Variants in EDA observed in about 807,000 individuals in gnomAD.
The protein encoded by EDA is ectodysplasin-A.
A neutral mutation model predicts 23.6 loss-of-function variants in EDA; 2 were observed. That is an observed-to-expected ratio of 0.08 (90% CI 0.03 to 0.27). EDA has a LOEUF of 0.27. Among genes scored for constraint, EDA ranks in the 10% least tolerant of loss-of-function variants. The pLI is 1.00. For synonymous variants in EDA, 131 were observed against 132.0 expected, an observed-to-expected ratio of 0.99 and a Z score of 0.05; for missense variants, 229 against 324.2, an observed-to-expected ratio of 0.71 and a Z score of 2.26.
intron 1 of EDA, among the ~76,000 whole-genome samples, chrX:69,754,707 C>G (rs1333596601): frequency 2.7e-5 from 3 of 111,733 alleles, no homozygotes; most frequent in African/African-American, 9.8e-5. Context: ...AGCAATCAGT[C>G]ATAGATTTGG....
At chrX:69,802,957 A>T (rs2015728240) in intron 1 of EDA, among the ~76,000 whole-genome samples, 2 of 111,868 alleles carry the variant, frequency 1.8e-5, no homozygotes, top group Non-Finnish European at 3.8e-5. Flanking sequence ...CCTACATAGA[A>T]GGTTCTACAT....
intron 1 of EDA, among the ~76,000 whole-genome samples, chrX:69,750,917 G>A (rs2013824179): frequency 9.0e-6 from 1 of 111,353 alleles, no homozygotes; most frequent in Admixed American, 9.5e-5. Flanking sequence ...ATAGATTCTG[G>A]ATATTAGCCC....
Position 69,715,842 on chromosome X carries a change from G to T in EDA, c.396+99138G>T, listed in dbSNP as rs2106470. ...TTTTTCTAATGATCAGTGATATTGAGTTTTTTTTTCATGTGCTTGTTGGCT... is the reference window on the plus strand; with the variant it reads ...TTTTTCTAATGATCAGTGATATTGATTTTTTTTTTCATGTGCTTGTTGGCT... On this transcript the variant is annotated intron_variant, in intron 1 of 7. Transcript: ENST00000374552. 6.5e-3 allele frequency among the ~76,000 whole-genome samples: 715 copies of T among 109,789 alleles called. 2 individuals carry two copies. Among genetic ancestry groups the T allele is most frequent in the South Asian group, 0.025 (64 of 2,587 alleles).
intron 1 of EDA, among the ~76,000 whole-genome samples, chrX:69,660,427 G>T (rs1037840452): frequency 9.1e-5 from 10 of 110,100 alleles, no homozygotes; most frequent in African/African-American, 3.3e-4. Context: ...GTGCCATGTT[G>T]GTGTGCTGCA....
chrX:69,764,535 A>C (rs1190079544), intron 1 of EDA, among the ~76,000 whole-genome samples: 2 of 109,396 alleles, frequency 1.8e-5, no homozygotes, highest in South Asian at 4.0e-4. Flanking sequence ...GAGCCACCGC[A>C]CCCTGCCCGT....
At chrX:69,754,928 A>G (rs1483917841) in intron 1 of EDA, among the ~76,000 whole-genome samples, 2 of 111,268 alleles carry the variant, frequency 1.8e-5, no homozygotes, top group African/African-American at 6.5e-5. Context: ...ACTTCTCTAC[A>G]CTGTTTATTC....
intron 1 of EDA, among the ~76,000 whole-genome samples, chrX:69,858,215 C>A (rs896109905): frequency 3.6e-5 from 4 of 111,478 alleles, no homozygotes; most frequent in African/African-American, 9.8e-5. Flanking sequence ...ATTTGGATGC[C>A]CTTTATTTCA....
In EDA at chrX:70,035,517, G is replaced by A. The variant is rs1311978507; in HGVS notation, c.1084G>A (p.Val362Ile). The A allele has an allele frequency of 6.6e-6, 8 of 1,209,491 alleles. No homozygotes were observed. The highest frequency in any genetic ancestry group is 3.0e-5 in the East Asian group (1 of 33,762). ...CCTCAAGGCCCGGCAGAAGATCGCC[G>A]TCAAGATGGTGCACGCTGACATCTC... The part of the protein sequence containing the change: ...CLLKARQKIA[V>I]KMVHADISIN... The change falls in exon 8 of 8, where the codon GTC becomes ATC. Residue 362 changes from valine to isoleucine, a missense_variant. By Grantham distance (29) the Val-to-Ile change is conservative. This residue lies in a region of EDA where 175 missense variants were observed against 281.8 expected (regional missense o/e 0.62). Coordinates refer to ENST00000374552, the MANE Select transcript of EDA (RefSeq NM_001399.5).
intron 1 of EDA, among the ~76,000 whole-genome samples, chrX:69,863,553 G>GTA (rs1257252634): frequency 1.5e-4 from 8 of 52,562 alleles, no homozygotes; most frequent in East Asian, 5.3e-4. Flanking sequence ...ATACATATAT[G>GTA]TATATATATG....
intron 1 of EDA, among the ~76,000 whole-genome samples, chrX:69,876,039 G>A (rs2017639269): frequency 8.9e-6 from 1 of 111,952 alleles, no homozygotes; most frequent in Admixed American, 9.5e-5. Flanking sequence ...CTGCTGGTGG[G>A]AATGTAAACT....
At chrX:69,899,299 A>G in intron 1 of EDA, among the ~76,000 whole-genome samples, 1 of 111,831 alleles carries the variant, frequency 8.9e-6, no homozygotes, top group Non-Finnish European at 1.9e-5. Context: ...AATCACAGCA[A>G]CTAGCAATTG....
intron 1 of EDA, among the ~76,000 whole-genome samples, chrX:69,698,814 G>A (rs2011447125): frequency 9.0e-6 from 1 of 110,963 alleles, no homozygotes; most frequent in Non-Finnish European, 1.9e-5. Context: ...AGACGCCTTG[G>A]GTAATTTGGC....
chrX:69,882,757 C>T (rs1446075550), intron 1 of EDA, among the ~76,000 whole-genome samples: 2 of 110,783 alleles, frequency 1.8e-5, no homozygotes, highest in Non-Finnish European at 3.8e-5. Context: ...GGCTGGAGTG[C>T]AATGGCGCTA....
chrX:69,983,999 A>C (rs1179906249), intron 2 of EDA, among the ~76,000 whole-genome samples: 1 of 99,738 alleles, frequency 1.0e-5, no homozygotes. Context: ...TGGAAACTGA[A>C]CAACCTGCTC....
At chrX:69,678,034 A>C (rs1368534421) in intron 1 of EDA, among the ~76,000 whole-genome samples, 1 of 111,048 alleles carries the variant, frequency 9.0e-6, no homozygotes, top group African/African-American at 3.3e-5. Context: ...TCAGCTTTCT[A>C]CATATGGCTA....
chrX:69,921,882 G>A (rs2018440757), intron 1 of EDA, among the ~76,000 whole-genome samples: 2 of 110,950 alleles, frequency 1.8e-5, no homozygotes, highest in Admixed American at 1.9e-4. Context: ...GCATAGTGTT[G>A]TATATCCACC....
intron 1 of EDA, among the ~76,000 whole-genome samples, chrX:69,628,697 A>C (rs915586172): frequency 4.5e-5 from 5 of 111,489 alleles, no homozygotes; most frequent in Non-Finnish European, 9.4e-5. Context: ...ACTTATGCAT[A>C]AAACTTGGAA....
chrX:69,952,513 T>C (rs2018941909), intron 1 of EDA, among the ~76,000 whole-genome samples: 2 of 111,762 alleles, frequency 1.8e-5, no homozygotes, highest in Admixed American at 1.9e-4. Flanking sequence ...ACCAGGTCCC[T>C]CCCACAACAC....
intron 1 of EDA, among the ~76,000 whole-genome samples, chrX:69,747,547 T>C (rs938158536): frequency 1.8e-5 from 2 of 112,309 alleles, no homozygotes; most frequent in Non-Finnish European, 3.8e-5. Flanking sequence ...ATGATTACTG[T>C]CTGCAGAGTG....
Sources: allele counts gnomAD v4.1 joint callset (sites outside exome capture counted in the v4.1 genomes callset), GRCh38; gene constraint gnomAD v4.1.1; regional missense constraint gnomAD v4.1.1; transcripts MANE v1.5; gene names NCBI Gene and HGNC (gene_info 2026-07-23, HGNC 2026-07-21).